NRXN1: variants seen among roughly 807,000 people sequenced by gnomAD.
NRXN1 encodes the protein neurexin 1.
A neutral mutation model predicts 150.9 loss-of-function variants in NRXN1; 39 were observed. The observed-to-expected ratio is 0.26, with a 90% confidence interval of 0.20 to 0.34. The LOEUF (loss-of-function observed/expected upper bound fraction) is 0.34. NRXN1 is among the 10% of genes least tolerant of loss of function. NRXN1 has a pLI of 1.00. For synonymous variants in NRXN1, 924 were observed against 757.0 expected (o/e 1.22, Z -3.62); for missense variants, 1,815 against 1,949.9 (o/e 0.93, Z 1.30).
At chr2:50,389,295 G>C in intron 17 of NRXN1, among the ~76,000 whole-genome samples, 1 of 149,302 alleles carries the variant, frequency 6.7e-6, no homozygotes, top group South Asian at 2.2e-4. Flanking sequence ...TCTAGTATCA[G>C]TCTTCTTTAT....
intron 17 of NRXN1, among the ~76,000 whole-genome samples, chr2:50,327,994 A>G (rs991912003): frequency 6.6e-6 from 1 of 151,704 alleles, no homozygotes; most frequent in African/African-American, 2.4e-5. Context: ...TTTTTCTTAT[A>G]TTTTTTATAT....
chr2:50,276,905 G>C, intron 17 of NRXN1, among the ~76,000 whole-genome samples: 1 of 152,086 alleles, frequency 6.6e-6, no homozygotes, highest in East Asian at 1.9e-4. Flanking sequence ...AGGTCTCTTT[G>C]GCCATTTCAA....
intron 17 of NRXN1, among the ~76,000 whole-genome samples, chr2:50,395,648 T>C (rs1386655751): frequency 6.6e-6 from 1 of 152,154 alleles, no homozygotes; most frequent in Non-Finnish European, 1.5e-5. Context: ...CTATTGTTTA[T>C]AGAACAACTT....
At chr2:50,059,565 C>G (rs1464761905) in intron 19 of NRXN1, among the ~76,000 whole-genome samples, 1 of 152,180 alleles carries the variant, frequency 6.6e-6, no homozygotes, top group South Asian at 2.1e-4. Flanking sequence ...CAAAGGTTAA[C>G]TGCCAGGACA....
At chr2:50,859,149 A>C (rs2193224) in intron 5 of NRXN1, among the ~76,000 whole-genome samples, 82,955 of 151,328 alleles carry the variant, frequency 0.55, 24,580 homozygotes, top group Non-Finnish European at 0.68. Flanking sequence ...TTTTTCCTTT[A>C]TTTTTTCCCT....
At chr2:50,649,259 TACACACACACACACACACACACACAC>T (rs10634117) in intron 5 of NRXN1, among the ~76,000 whole-genome samples, 8 of 143,244 alleles carry the variant, frequency 5.6e-5, no homozygotes, top group African/African-American at 1.3e-4. Flanking sequence ...CATACACACA[TACACACACACACACACACACACACAC>T]ACACACACAC....
intron 5 of NRXN1, among the ~76,000 whole-genome samples, chr2:50,868,952 G>A (rs1677360362): frequency 6.6e-6 from 1 of 151,738 alleles, no homozygotes; most frequent in African/African-American, 2.4e-5. Flanking sequence ...ATGCCAACTT[G>A]GAGATTTTAA....
chr2:50,779,651 C>T (rs1424557666), intron 5 of NRXN1, among the ~76,000 whole-genome samples: 2 of 152,004 alleles, frequency 1.3e-5, no homozygotes, highest in Non-Finnish European at 2.9e-5. Flanking sequence ...GCCTGTAGTC[C>T]CAGCTACTTG....
intron 5 of NRXN1, among the ~76,000 whole-genome samples, chr2:50,721,545 C>A (rs1406949608): frequency 6.6e-6 from 1 of 152,108 alleles, no homozygotes; most frequent in African/African-American, 2.4e-5. Flanking sequence ...CTCCTTTGTG[C>A]CTGACAGACA....
At chr2:50,552,525 G>T in intron 9 of NRXN1, 62 bp downstream of exon 9, 1 of 1,283,490 alleles carries the variant, frequency 7.8e-7, no homozygotes, top group Non-Finnish European at 1.1e-6. Context: ...TCACTTTTAG[G>T]AATGGCATGG....
At chr2:50,923,739 T>C (rs529282643) in intron 3 of NRXN1, among the ~76,000 whole-genome samples, 1 of 151,958 alleles carries the variant, frequency 6.6e-6, no homozygotes, top group Non-Finnish European at 1.5e-5. Flanking sequence ...TATTTTCAAT[T>C]TCCAGTGCTA....
intron 19 of NRXN1, among the ~76,000 whole-genome samples, chr2:50,066,437 G>C (rs907479519): frequency 2.0e-5 from 3 of 152,178 alleles, no homozygotes; most frequent in Admixed American, 6.5e-5. Flanking sequence ...CAATGGATTA[G>C]AGCAAAGAAG....
intron 21 of NRXN1, among the ~76,000 whole-genome samples, chr2:49,979,467 T>C (rs1316446156): frequency 6.6e-6 from 1 of 152,204 alleles, no homozygotes; most frequent in East Asian, 1.9e-4. Context: ...TTATAGGTTA[T>C]GAAATACAAA....
intron 2 of NRXN1, among the ~76,000 whole-genome samples, chr2:50,942,071 T>C (rs1689538212): frequency 6.6e-6 from 1 of 152,120 alleles, no homozygotes; most frequent in African/African-American, 2.4e-5. Context: ...GTTCCAGTCA[T>C]GGCTAAAAGG....
Position 50,566,404 on chromosome 2 carries a change from C to T in NRXN1, c.1321-13379G>A, listed in dbSNP as rs1669849419. 3.1e-5 allele frequency among the ~76,000 whole-genome samples: 4 copies of T among 129,144 alleles called. No individual in the cohort carries two copies. The South Asian group carries it at 7.9e-4, about 26-fold the overall frequency. 84.7% of individuals were successfully genotyped at this position (129,144 alleles called of 152,430 possible). A position where few individuals can be genotyped will look rare whatever the true frequency, so the allele number is the denominator to read the frequency against. On this transcript the variant is annotated intron_variant, in intron 8 of 22. Transcript: ENST00000401669. ...AACTACAGGCACGTGCCACCACGCCCAGCTATTTTTTTTTTTTTTTTTGTA... is the reference window on the plus strand; with the variant it reads ...AACTACAGGCACGTGCCACCACGCCTAGCTATTTTTTTTTTTTTTTTTGTA...
intron 18 of NRXN1, among the ~76,000 whole-genome samples, chr2:50,129,762 A>G (rs903501749): frequency 6.6e-6 from 1 of 152,190 alleles, no homozygotes; most frequent in Non-Finnish European, 1.5e-5. Flanking sequence ...TGTACTGTCC[A>G]GGTATTAAGA....
intron 22 of NRXN1, among the ~76,000 whole-genome samples, chr2:49,924,088 A>G (rs1003417583): frequency 3.3e-5 from 5 of 152,232 alleles, no homozygotes; most frequent in African/African-American, 4.8e-5. Flanking sequence ...TTTTAAATAC[A>G]GTCATCTTTG....
intron 17 of NRXN1, among the ~76,000 whole-genome samples, chr2:50,288,286 A>G (rs2072459758): frequency 1.3e-5 from 2 of 152,078 alleles, no homozygotes; most frequent in South Asian, 4.1e-4. Context: ...TGCCATGACT[A>G]AGAAAGAAGT....
At chr2:50,478,692 C>T (rs1285893015) in intron 15 of NRXN1, among the ~76,000 whole-genome samples, 1 of 152,112 alleles carries the variant, frequency 6.6e-6, no homozygotes, top group Non-Finnish European at 1.5e-5. Context: ...TTTCTAGGTC[C>T]AGCCTAAAAT....
Sources: gnomAD v4.1 joint callset for allele counts (sites outside exome capture counted in the v4.1 genomes callset) on GRCh38, gnomAD v4.1.1 for gene constraint, MANE v1.5 for transcripts, NCBI Gene and HGNC (gene_info 2026-07-23, HGNC 2026-07-21) for gene names.